MORC1: variants seen among roughly 807,000 people sequenced by gnomAD.
MORC1 encodes the protein MORC family CW-type zinc finger protein 1.
Under a neutral mutation model 134.9 loss-of-function variants are expected in MORC1, and 59 were observed. The ratio of observed to expected loss-of-function variants is 0.44; its 90% confidence interval spans 0.35 to 0.54. The LOEUF (loss-of-function observed/expected upper bound fraction) is 0.54. Among genes scored for constraint, MORC1 ranks in the 20% least tolerant of loss-of-function variants. The pLI is 0.00. For synonymous variants in MORC1, 395 were observed against 391.7 expected, an observed-to-expected ratio of 1.01 and a Z score of -0.10; for missense variants, 947 against 1,134.5, an observed-to-expected ratio of 0.83 and a Z score of 2.37.
intron 8 of MORC1, among the ~76,000 whole-genome samples, chr3:109,091,681 T>C (rs1408580554): frequency 6.6e-6 from 1 of 152,076 alleles, no homozygotes; most frequent in African/African-American, 2.4e-5. Flanking sequence ...ATATATCGCG[T>C]CCTCAGTTCA....
chr3:109,023,104 A>T (rs1051679750), intron 17 of MORC1, among the ~76,000 whole-genome samples: 7 of 152,222 alleles, frequency 4.6e-5, no homozygotes, highest in Non-Finnish European at 8.8e-5. Context: ...TGAAGGAGAT[A>T]CTTTTCTAAG....
At position 109,103,918 on chromosome 3, in the gene MORC1, C is replaced by G. The variant is rs776485734; in HGVS notation, c.155-1G>C. ...CCCCCCTGCAGTTTTTCATTATCCA[C>G]TGTAAGAGAAAGCAGTTATTACTAA... On this transcript the variant is annotated splice_acceptor_variant, in intron 3 of 27. Coordinates refer to ENST00000232603, the MANE Select transcript of MORC1 (RefSeq NM_014429.4). LOFTEE classifies it high-confidence loss of function. The G allele has an allele frequency of 2.5e-6, 4 of 1,613,130 alleles. No individual in the cohort carries two copies. The Admixed American group carries it at 6.7e-5, about 27-fold the overall frequency.
At chr3:109,087,448 C>T (rs1039121095) in intron 8 of MORC1, among the ~76,000 whole-genome samples, 1 of 151,980 alleles carries the variant, frequency 6.6e-6, no homozygotes, top group Admixed American at 6.6e-5. Flanking sequence ...AGCCAAGAGC[C>T]AAATCAGGAA....
At chr3:109,021,026 G>C (rs1948945522) in intron 17 of MORC1, among the ~76,000 whole-genome samples, 1 of 152,166 alleles carries the variant, frequency 6.6e-6, no homozygotes, top group Non-Finnish European at 1.5e-5. Context: ...GATTCAAGCT[G>C]AGAGAGGAAG....
chr3:108,964,555 C>A (rs572321072), intron 26 of MORC1, among the ~76,000 whole-genome samples: 3 of 152,152 alleles, frequency 2.0e-5, no homozygotes, highest in Non-Finnish European at 2.9e-5. Context: ...GCTGACCTCA[C>A]GAGTTTCCCC....
At chr3:109,065,698 C>T (rs1472365316) in intron 9 of MORC1, among the ~76,000 whole-genome samples, 1 of 152,124 alleles carries the variant, frequency 6.6e-6, no homozygotes, top group Non-Finnish European at 1.5e-5. Context: ...TAACTTGCCC[C>T]AAAAGACACA....
intron 10 of MORC1, 98 bp from the exon 11 acceptor site, chr3:109,062,156 C>A: frequency 9.9e-7 from 1 of 1,010,740 alleles, no homozygotes; most frequent in Non-Finnish European, 1.5e-6. Context: ...GTGAAAAAGG[C>A]ATACAGACCA....
intron 23 of MORC1, among the ~76,000 whole-genome samples, chr3:108,982,606 G>C (rs1310778201): frequency 1.3e-5 from 2 of 151,142 alleles, no homozygotes; most frequent in Non-Finnish European, 2.9e-5. Flanking sequence ...GGGAGGGATA[G>C]CATTAGGAGA....
intron 7 of MORC1, among the ~76,000 whole-genome samples, chr3:109,093,829 T>C (rs1002580583): frequency 5.9e-5 from 9 of 152,216 alleles, no homozygotes; most frequent in African/African-American, 2.2e-4. Context: ...CTTTTCATAA[T>C]TTGCATTATG....
intron 20 of MORC1, among the ~76,000 whole-genome samples, chr3:109,001,570 C>T (rs1007583265): frequency 6.6e-6 from 1 of 152,200 alleles, no homozygotes; most frequent in Admixed American, 6.5e-5. Flanking sequence ...AGTCTCTCTT[C>T]AAATCACCCT....
intron 2 of MORC1, among the ~76,000 whole-genome samples, chr3:109,113,125 G>A (rs529487841): frequency 1.4e-3 from 220 of 152,304 alleles, no homozygotes; most frequent in Non-Finnish European, 2.5e-3. Flanking sequence ...TCAGTAGGAG[G>A]CAGGACCGAT....
At chr3:109,099,558 A>G in intron 5 of MORC1, 92 bp from the exon 6 acceptor site, 1 of 946,584 alleles carries the variant, frequency 1.1e-6, no homozygotes, top group Non-Finnish European at 1.5e-6. Flanking sequence ...CTGTAACAGG[A>G]TGTTCTTTCC....
chr3:109,064,017 AAACTT>A (rs1302086110), intron 9 of MORC1, among the ~76,000 whole-genome samples: 5 of 152,152 alleles, frequency 3.3e-5, no homozygotes, highest in African/African-American at 1.2e-4. Context: ...ATCAATAAGA[AAACTT>A]AAATAAATCA....
chr3:109,057,435 T>G lies in MORC1; in HGVS notation c.1083A>C (p.Glu361Asp). ...TLSLFYGVNV[E>D]NRSQAGMFIY... ...TGAACATTCCAGCTTGGCTTCGGTT[T>G]TCTACGTTCACTCCATAGAACAGGG... The change falls in exon 13 of 28, where the codon GAA (glutamate) becomes GAC (aspartate). Residue 361 changes from glutamate to aspartate, a missense_variant. By Grantham distance (45) the Glu-to-Asp change is conservative (BLOSUM62 2). Coordinates refer to ENST00000232603, the MANE Select transcript of MORC1 (RefSeq NM_014429.4). The G allele has an allele frequency of 6.2e-7, 1 of 1,611,832 alleles. No homozygotes were observed. Among genetic ancestry groups the G allele is most frequent in the Non-Finnish European group, 8.5e-7 (1 of 1,178,886 alleles).
At chr3:109,044,097 G>A (rs967475789) in intron 14 of MORC1, among the ~76,000 whole-genome samples, 1 of 152,078 alleles carries the variant, frequency 6.6e-6, no homozygotes, top group Non-Finnish European at 1.5e-5. Flanking sequence ...AAATTAATAG[G>A]ATAATCCGGG....
intron 23 of MORC1, 84 bp downstream of exon 23, chr3:108,984,632 T>C (rs998600859): frequency 1.7e-5 from 18 of 1,064,898 alleles, no homozygotes; most frequent in Non-Finnish European, 2.4e-5. Context: ...TTATTTCCTT[T>C]CTTCTTGTAT....
At chr3:109,036,275 T>A (rs575285270) in intron 14 of MORC1, among the ~76,000 whole-genome samples, 36 of 152,186 alleles carry the variant, frequency 2.4e-4, no homozygotes, top group African/African-American at 6.0e-4. Context: ...TTTAATTTTT[T>A]AAAAATATAT....
At chr3:109,040,402 G>GAAAGAA (rs1553753629) in intron 14 of MORC1, among the ~76,000 whole-genome samples, 1 of 19,138 alleles carries the variant, frequency 5.2e-5, no homozygotes, top group Non-Finnish European at 1.2e-4. Flanking sequence ...AAGAAAGAAA[G>GAAAGAA]AGAAGGAAGG....
intron 17 of MORC1, chr3:109,018,852 T>C (rs1042571004): frequency 2.0e-5 from 3 of 152,194 alleles, no homozygotes; most frequent in African/African-American, 7.2e-5. Context: ...AATGGGTCTT[T>C]GCAAACATCT....
Sources: allele counts gnomAD v4.1 joint callset (sites outside exome capture counted in the v4.1 genomes callset), GRCh38; gene constraint gnomAD v4.1.1; transcripts MANE v1.5; gene names NCBI Gene and HGNC (gene_info 2026-07-23, HGNC 2026-07-21).